TEK: variants seen among roughly 807,000 people sequenced by gnomAD.
TEK encodes TEK receptor tyrosine kinase, also known as angiopoietin-1 receptor.
TEK carries 43 observed loss-of-function variants against 131.8 expected under a neutral mutation model. That is an observed-to-expected ratio of 0.33 (90% CI 0.26 to 0.42). TEK has a LOEUF of 0.42. TEK is among the 10% of genes least tolerant of loss of function. The probability of loss-of-function intolerance (pLI) is 1.00; values close to 1 mark genes in which losing one functional copy is unlikely to be tolerated. For synonymous variants in TEK, 580 were observed against 491.6 expected (o/e 1.18, Z -2.38); for missense variants, 1,162 against 1,384.4 (o/e 0.84, Z 2.55).
Position 27,225,767 on chromosome 9 carries a change from C to G in TEK, c.3201-2439C>G, listed in dbSNP as rs190655743. On this transcript the variant is annotated intron_variant, in intron 21 of 22. Coordinates refer to ENST00000380036, the MANE Select transcript of TEK (RefSeq NM_000459.5). ...CTAATTAAACTAAAGACCTTCTGCA[C>G]AGCAAAAGAAACCACCATCAGAGTG... is the stretch of plus-strand genomic sequence containing the variant. Among the ~76,000 whole-genome samples the G allele has an allele frequency of 4.6e-5, 7 of 152,234 alleles. No homozygotes were observed. The East Asian group carries it at 1.4e-3, about 29-fold the overall frequency.
At chr9:27,119,095 G>A (rs1821681756) in intron 1 of TEK, among the ~76,000 whole-genome samples, 1 of 152,152 alleles carries the variant, frequency 6.6e-6, no homozygotes, top group Non-Finnish European at 1.5e-5. Context: ...GCTATTTTGA[G>A]TTAGCTTCTA....
rs763083737 is a variant in TEK, at chr9:27,157,936, A to T, written c.158A>T (p.Glu53Val). Residue 53 changes from glutamate to valine, a missense_variant, in exon 2 of 23, where the codon GAG becomes GTG. By Grantham distance (121) the Glu-to-Val change is moderately radical. This residue lies in a region of TEK where 436 missense variants were observed against 539.1 expected (regional missense o/e 0.81). Coordinates refer to ENST00000380036, the MANE Select transcript of TEK (RefSeq NM_000459.5). ...ATTGCCTCTGGGTGGCGCCCCCATG[A>T]GCCCATCACCATAGGAAGGGACTTT... ...TCIASGWRPH[E>V]PITIGRDFEA... 78 of 1,613,978 alleles carry T rather than the reference A, an allele frequency of 4.8e-5. No individual in the cohort carries two copies. Among genetic ancestry groups the T allele is most frequent in the Non-Finnish European group, 6.4e-5 (76 of 1,180,008 alleles).
chr9:27,123,049 T>G (rs751865892), intron 1 of TEK, among the ~76,000 whole-genome samples: 2 of 33,216 alleles, frequency 6.0e-5, no homozygotes, highest in African/African-American at 1.7e-4. Flanking sequence ...CGAGACTCTG[T>G]CTCAAAAAAA....
chr9:27,158,753 G>A (rs564331130), intron 2 of TEK, among the ~76,000 whole-genome samples: 4 of 151,174 alleles, frequency 2.6e-5, no homozygotes, highest in Admixed American at 1.3e-4. Context: ...TCCGCCTCCC[G>A]GGTTCAAGCG....
intron 1 of TEK, among the ~76,000 whole-genome samples, chr9:27,140,010 A>G (rs1207562485): frequency 6.6e-6 from 1 of 152,160 alleles, no homozygotes; most frequent in South Asian, 2.1e-4. Context: ...TAATTTAGCA[A>G]TGAAAGGGTT....
At chr9:27,170,166 A>G (rs1002249694) in intron 4 of TEK, among the ~76,000 whole-genome samples, 4 of 152,152 alleles carry the variant, frequency 2.6e-5, no homozygotes, top group South Asian at 4.1e-4. Flanking sequence ...CTCACTCACT[A>G]TCATGTGAAC....
chr9:27,154,358 A>AT (rs1823245154), intron 1 of TEK, among the ~76,000 whole-genome samples: 1 of 152,174 alleles, frequency 6.6e-6, no homozygotes, highest in South Asian at 2.1e-4. Context: ...AAGTGCTGGA[A>AT]TTACAGGCAT....
At chr9:27,217,854 C>A in intron 19 of TEK, 96 bp downstream of exon 19, 1 of 1,028,182 alleles carries the variant, frequency 9.7e-7, no homozygotes, top group Non-Finnish European at 1.5e-6. Flanking sequence ...TGTCCTGTAG[C>A]TCTCGGGAAC....
chr9:27,189,801 G>A (rs1024524209), intron 9 of TEK, among the ~76,000 whole-genome samples: 1 of 152,106 alleles, frequency 6.6e-6, no homozygotes, highest in African/African-American at 2.4e-5. Context: ...TGAGATGCAT[G>A]TCTGACTTCT....
chr9:27,224,640 A>G (rs1826235112), intron 21 of TEK, among the ~76,000 whole-genome samples: 1 of 152,216 alleles, frequency 6.6e-6, no homozygotes, highest in Admixed American at 6.5e-5. Flanking sequence ...ACAAACCCAC[A>G]GCCAGTATCA....
chr9:27,171,094 G>C (rs1823938969), intron 4 of TEK, among the ~76,000 whole-genome samples: 1 of 152,100 alleles, frequency 6.6e-6, no homozygotes, highest in Non-Finnish European at 1.5e-5. Context: ...TTTGAAAAAT[G>C]TAAGAGTTAG....
chr9:27,207,996 A>T (rs768042089), intron 15 of TEK, among the ~76,000 whole-genome samples: 30 of 152,130 alleles, frequency 2.0e-4, no homozygotes, highest in Non-Finnish European at 4.0e-4. Flanking sequence ...AGAGGGGTGT[A>T]GAATCTTATG....
rs1339108342 is a variant in TEK at position 27,173,334 on chromosome 9, A to G, written c.873A>G (p.Thr291=). The change falls in exon 6 of 23, where the codon ACA becomes ACG. Residue 291 remains threonine (T), a synonymous_variant. Transcript: ENST00000380036. ...ACCCCTATGGGTGTTCCTGTGCCACAGGCTGGAAGGGTCTGCAGTGCAATG... is the reference window on the plus strand; with the variant it reads ...ACCCCTATGGGTGTTCCTGTGCCACGGGCTGGAAGGGTCTGCAGTGCAATG... ...LPDPYGCSCA[T]GWKGLQCNEA... 3.1e-6 allele frequency: 5 copies of G among 1,613,922 alleles called. No individual in the cohort carries two copies. The highest frequency in any genetic ancestry group is 2.7e-5 in the African/African-American group (2 of 74,914).
chr9:27,160,065 C>T (rs76131225), intron 2 of TEK, among the ~76,000 whole-genome samples: 1 of 135,296 alleles, frequency 7.4e-6, no homozygotes, highest in Admixed American at 8.1e-5. Flanking sequence ...TGCTGTTGCC[C>T]AGGCTGGAGT....
At chr9:27,199,877 C>T (rs1158661107) in intron 12 of TEK, among the ~76,000 whole-genome samples, 2 of 152,054 alleles carry the variant, frequency 1.3e-5, no homozygotes, top group Non-Finnish European at 2.9e-5. Context: ...TGCAGCTGGA[C>T]CTGTCAGTAT....
chr9:27,215,067 C>T (rs892038394), intron 18 of TEK, among the ~76,000 whole-genome samples: 2 of 152,260 alleles, frequency 1.3e-5, no homozygotes, highest in African/African-American at 4.8e-5. Flanking sequence ...GATGTGGGTA[C>T]CCTGGGTGAG....
At chr9:27,109,751 T>G in intron 1 of TEK, 109 bp downstream of exon 1, 1 of 1,072,518 alleles carries the variant, frequency 9.3e-7, no homozygotes, top group Non-Finnish European at 1.4e-6. Flanking sequence ...GGGGTGGCTG[T>G]AGCAAAGGCA....
intron 1 of TEK, among the ~76,000 whole-genome samples, chr9:27,142,504 C>T (rs1047340170): frequency 6.6e-6 from 1 of 152,202 alleles, no homozygotes; most frequent in African/African-American, 2.4e-5. Context: ...CTGGTCAGGC[C>T]ATAATTTCTG....
At chr9:27,138,228 G>T (rs148988697) in intron 1 of TEK, among the ~76,000 whole-genome samples, 6,401 of 152,286 alleles carry the variant, frequency 0.042, 196 homozygotes, top group Middle Eastern at 0.068. Flanking sequence ...TGTGGAAGGG[G>T]ATCTGAGCGG....
Sources: allele counts gnomAD v4.1 joint callset (sites outside exome capture counted in the v4.1 genomes callset), GRCh38; gene constraint gnomAD v4.1.1; regional missense constraint gnomAD v4.1.1; transcripts MANE v1.5; gene names NCBI Gene and HGNC (gene_info 2026-07-23, HGNC 2026-07-21).